Variants in MGAM observed in about 807,000 individuals in gnomAD.
MGAM encodes alpha-1,4-glucosidase.
A neutral mutation model predicts 358.8 loss-of-function variants in MGAM; 253 were observed. The observed-to-expected ratio is 0.71, with a 90% CI of 0.64 to 0.78. MGAM has a LOEUF of 0.78. Ranked by LOEUF, MGAM falls within the 30% of genes least tolerant of loss-of-function variation. The pLI is 0.00. For synonymous variants in MGAM, 1,105 were observed against 1,227.1 expected (o/e 0.90, Z 2.08); for missense variants, 3,080 against 3,432.6 (o/e 0.90, Z 2.57).
At chr7:142,101,769 A>G (rs1335688765) in intron 68 of MGAM, among the ~76,000 whole-genome samples, 4 of 151,936 alleles carry the variant, frequency 2.6e-5, no homozygotes, top group Non-Finnish European at 4.4e-5. Context: ...TTAGCTGGGC[A>G]TGGTGGCACA....
chr7:142,084,688 G>T, intron 54 of MGAM, 44 bp downstream of exon 54: 1 of 1,536,550 alleles, frequency 6.5e-7, no homozygotes, highest in Non-Finnish European at 8.9e-7. Context: ...ACTAACCCAG[G>T]TGCCTCTGTG....
In MGAM at chr7:142,082,118, C is replaced by G; in HGVS notation, c.6079C>G (p.Leu2027Val). The G allele has an allele frequency of 1.9e-6, 3 of 1,555,882 alleles. 1 individual carries two copies. In the South Asian group the frequency reaches 3.4e-5, roughly 17 times the overall value. ...CTCCACCCGCCTTCCCTCCAAGTAC[C>G]TCTATGGCTTTGGGGAGACTGAGCA... is the stretch of plus-strand genomic sequence containing the variant. ...RISTRLPSKY[L>V]YGFGETEHTS... Residue 2027 changes from leucine to valine, a missense_variant, in exon 51 of 71, where the codon CTC becomes GTC. By Grantham distance (32) the Leu-to-Val change is conservative. This residue lies in a region of MGAM where 932 missense variants were observed against 1,198.2 expected (regional missense o/e 0.78). Coordinates refer to ENST00000475668, the MANE Select transcript of MGAM (RefSeq NM_001365693.1).
rs1356708548 is a variant in MGAM, at chr7:142,088,672, A to ATCTG, written c.6810+1958_6810+1959insGTCT. ...TATCTGTCTGTCTATCTATCTATCT[A>ATCTG]TCTATCTATCTATCTATCTATCTAT... On this transcript the variant is annotated intron_variant, in intron 57 of 70. Transcript: ENST00000475668. Among the ~76,000 whole-genome samples the ATCTG allele has an allele frequency of 2.1e-5, 3 of 139,918 alleles. 1 individual carries two copies. The East Asian group carries it at 6.4e-4, about 30-fold the overall frequency. The allele number at this position is 139,918 out of a possible 152,430, so 91.8% of individuals were successfully genotyped here.
rs958374433 is a variant in MGAM, at chr7:142,038,443, G to A, written c.2232-88G>A. 7.8e-6 allele frequency: 8 copies of A among 1,024,656 alleles called. No individual in the cohort carries two copies. In the South Asian group the frequency reaches 1.1e-4, roughly 14 times the overall value. 63.5% of individuals were successfully genotyped at this position (1,024,656 alleles called of 1,614,324 possible). On this transcript the variant is annotated intron_variant, in intron 18 of 70. Transcript: ENST00000475668. ...GTTTGCCTGGGCAGACGGCCTGCAT[G>A]CTTTCAACAGGTTGTGTGTGAGTAG...
In MGAM at chr7:142,059,717, G is replaced by T. The variant is rs182646732; in HGVS notation, c.3948+117G>T. On this transcript the variant is annotated intron_variant, in intron 32 of 70. Coordinates refer to ENST00000475668, the MANE Select transcript of MGAM (RefSeq NM_001365693.1). ...AGATAAATTGAAGTGCAGTAAGAAA[G>T]GTGTATTTCCCAGGACTCACAGAAA... The T allele has an allele frequency of 1.6e-5, 25 of 1,576,810 alleles. 1 individual carries two copies. In the Admixed American group the frequency reaches 2.1e-4, roughly 13 times the overall value.
In MGAM at chr7:142,097,721, C is replaced by T. The variant is rs566828686; in HGVS notation, c.7749+72C>T. On this transcript the variant is annotated intron_variant, in intron 66 of 70. Transcript: ENST00000475668. ...TACAAAGGCTTTAGATCTGATAGACCTTAGGTCAAATGCTGGCTCTGTAAC... is the reference window on the plus strand; with the variant it reads ...TACAAAGGCTTTAGATCTGATAGACTTTAGGTCAAATGCTGGCTCTGTAAC... 3.3e-5 allele frequency: 49 copies of T among 1,477,214 alleles called. No homozygotes were observed. In the African/African-American group the frequency reaches 5.9e-4, roughly 18 times the overall value. The allele number at this position is 1,477,214 out of a possible 1,614,324, so 91.5% of individuals were successfully genotyped here. A position where few individuals can be genotyped will look rare whatever the true frequency, so the allele number is the denominator to read the frequency against.
Position 142,014,817 on chromosome 7 carries a change from C to T in MGAM, c.328-4382C>T, listed in dbSNP as rs6943118. 4.2e-3 allele frequency among the ~76,000 whole-genome samples: 632 copies of T among 152,074 alleles called. 5 individuals carry two copies. The highest frequency in any genetic ancestry group is 0.014 in the African/African-American group (594 of 41,512). On this transcript the variant is annotated intron_variant, in intron 3 of 70. Coordinates refer to ENST00000475668, the MANE Select transcript of MGAM (RefSeq NM_001365693.1). ...CATTTATTTTGCTATAAAACTGGTA[C>T]ACAATTGTATAAAATTATGTCAATT...
rs1815450224 is a variant in MGAM, at chr7:142,092,201, C to G, written c.6945+154C>G. 1.4e-5 allele frequency among the ~76,000 whole-genome samples: 2 copies of G among 145,774 alleles called. 1 individual carries two copies. Among genetic ancestry groups the G allele is most frequent in the East Asian group, 4.0e-4 (2 of 4,948 alleles). The stretch of plus-strand genomic sequence containing the variant: ...TTCCTCCTCTCAGGAGAGGAACAGC[C>G]CTGATAGCCCTCACACCTTCTACCA... On this transcript the variant is annotated intron_variant, in intron 58 of 70. Coordinates refer to ENST00000475668, the MANE Select transcript of MGAM (RefSeq NM_001365693.1).
Position 142,044,527 on chromosome 7 carries a change from C to G in MGAM, c.2499-3258C>G, listed in dbSNP as rs1460041233. On this transcript the variant is annotated intron_variant, in intron 21 of 70. Transcript: ENST00000475668. Reference sequence around the variant, plus strand: ...TATGATATATAATGTATATTATACACTTACGATATATGATATATAATGTAT... The same window carrying G: ...TATGATATATAATGTATATTATACAGTTACGATATATGATATATAATGTAT... Among the ~76,000 whole-genome samples, 10 of 137,218 alleles carry G rather than the reference C, an allele frequency of 7.3e-5. 3 individuals carry two copies. Among genetic ancestry groups the G allele is most frequent in the Non-Finnish European group, 1.5e-4 (10 of 65,534 alleles). The allele number at this position is 137,218 out of a possible 152,430, so 90.0% of individuals were successfully genotyped here. A position where few individuals can be genotyped will look rare whatever the true frequency, so the allele number is the denominator to read the frequency against.
In MGAM at chr7:142,094,882, C is replaced by A. The variant is rs377326435; in HGVS notation, c.7458+19C>A. On this transcript the variant is annotated intron_variant, in intron 63 of 70. Coordinates refer to ENST00000475668, the MANE Select transcript of MGAM (RefSeq NM_001365693.1). ...GACCAGGGTAGGACAGTGGCCCCTA[C>A]CTCCAGTGTTTCACTTGAAACACAG... is the stretch of plus-strand genomic sequence containing the variant. 2 of 1,608,306 alleles carry A rather than the reference C, an allele frequency of 1.2e-6. No individual in the cohort carries two copies. Among genetic ancestry groups the A allele is most frequent in the Admixed American group, 1.7e-5 (1 of 59,838 alleles).
At chr7:142,013,791 A>G (rs781997488) in intron 3 of MGAM, among the ~76,000 whole-genome samples, 2 of 152,226 alleles carry the variant, frequency 1.3e-5, no homozygotes, top group Non-Finnish European at 2.9e-5. Flanking sequence ...TCTACCCATT[A>G]CACTGGTCAG....
chr7:142,008,758 T>A lies in MGAM; in HGVS notation c.327+53T>A, dbSNP rs184387075. 1.1e-3 allele frequency: 1,746 copies of A among 1,565,476 alleles called. 1 individual carries two copies. The highest frequency in any genetic ancestry group is 1.2e-3 in the Non-Finnish European group (1,394 of 1,149,692). On this transcript the variant is annotated intron_variant, in intron 3 of 70. Transcript: ENST00000475668. ...TTAGAATTTATGCAACTTGATAGTTTATTTTTTTTTGTTGTTTTGTTTTGG... is the reference window on the plus strand; with the variant it reads ...TTAGAATTTATGCAACTTGATAGTTAATTTTTTTTTGTTGTTTTGTTTTGG...
At chr7:142,104,720 C>G (rs1159323849) in intron 70 of MGAM, among the ~76,000 whole-genome samples, 1 of 152,138 alleles carries the variant, frequency 6.6e-6, no homozygotes, top group Non-Finnish European at 1.5e-5. Context: ...GCTTGGCTCA[C>G]AGTAATTCTA....
rs782553045 is a variant in MGAM at position 142,030,445 on chromosome 7, A to G, written c.1305A>G (p.Glu435=). The change falls in exon 11 of 71, where the codon GAA becomes GAG. Residue 435 remains glutamate (E), a synonymous_variant. Coordinates refer to ENST00000475668, the MANE Select transcript of MGAM (RefSeq NM_001365693.1). ...YDSVDFKGFP[E]FVNELHNNGQ... is the part of the protein sequence containing the mutation. ...CAGTGGATTTTAAAGGCTTCCCTGA[A>G]TTTGTCAACGAGTTACACAATAATG... 7 of 1,613,620 alleles carry G rather than the reference A, an allele frequency of 4.3e-6. No homozygotes were observed. Among genetic ancestry groups the G allele is most frequent in the Non-Finnish European group, 5.9e-6 (7 of 1,179,732 alleles).
intron 30 of MGAM, 58 bp from the exon 31 acceptor site, chr7:142,058,145 T>G: frequency 6.2e-7 from 1 of 1,609,072 alleles, no homozygotes; most frequent in Non-Finnish European, 8.5e-7. Context: ...TTACTTGATG[T>G]AAAACTTCAA....
chr7:142,043,754 C>T (rs1433239943), intron 21 of MGAM, among the ~76,000 whole-genome samples: 1,176 of 77,264 alleles, frequency 0.015, 28 homozygotes, highest in Middle Eastern at 0.048. Context: ...TATACACATA[C>T]GACATATAAT....
intron 21 of MGAM, among the ~76,000 whole-genome samples, chr7:142,044,011 A>ATATATACATTATATACACATACGACG (rs1809530281): frequency 7.4e-6 from 1 of 134,816 alleles, no homozygotes; most frequent in Non-Finnish European, 1.6e-5. Flanking sequence ...ACGACGTATA[A>ATATATACATTATATACACATACGACG]TATATACATT....
At chr7:142,028,197 A>G (rs1176867449) in intron 10 of MGAM, among the ~76,000 whole-genome samples, 1 of 152,170 alleles carries the variant, frequency 6.6e-6, no homozygotes, top group Non-Finnish European at 1.5e-5. Context: ...GGGACTTACC[A>G]TAAAAGTTGT....
intron 3 of MGAM, among the ~76,000 whole-genome samples, chr7:142,017,716 G>C (rs1806084425): frequency 1.3e-5 from 2 of 152,136 alleles, no homozygotes; most frequent in African/African-American, 4.8e-5. Flanking sequence ...TCTTACGGCA[G>C]TATAAACCAC....
Sources: gnomAD v4.1 joint callset for allele counts (sites outside exome capture counted in the v4.1 genomes callset) on GRCh38, gnomAD v4.1.1 for gene constraint, gnomAD v4.1.1 regional missense constraint, MANE v1.5 for transcripts, NCBI Gene and HGNC (gene_info 2026-07-23, HGNC 2026-07-21) for gene names.